The following TMEFF1 variants were observed in gnomAD, a reference collection of about 807,000 sequenced individuals.
TMEFF1 encodes transmembrane protein with EGF like and two follistatin like domains 1, also known as tomoregulin-1.
Under a neutral mutation model 47.5 loss-of-function variants are expected in TMEFF1, and 20 were observed. The observed-to-expected ratio is 0.42, with a 90% CI of 0.30 to 0.61. The LOEUF is 0.61. Ranked by LOEUF, TMEFF1 falls within the 20% of genes least tolerant of loss-of-function variation. The pLI, the probability that TMEFF1 is intolerant of heterozygous loss-of-function variation, is 0.19. For missense variants in TMEFF1, 411 were observed against 471.1 expected (o/e 0.87, Z 1.18); for synonymous variants, 162 against 166.3 (o/e 0.97, Z 0.20).
At position 100,561,399 on chromosome 9, in the gene TMEFF1, G is replaced by A; in HGVS notation, c.778G>A (p.Ala260Thr). ...GATCTGGTTTATGTTCTTTTAAGAT[G>A]CTAGTGATCAAAGAGAAGATGTTTA... ...GLQYRPDVKD[A>T]SDQREDVYIG... The change falls in exon 8 of 10, where the codon GCT becomes ACT. Residue 260 changes from alanine (A) to threonine (T), a missense_variant and splice_region_variant. Ala to Thr is a moderately conservative substitution (Grantham distance 58). Coordinates refer to ENST00000374879, the MANE Select transcript of TMEFF1 (RefSeq NM_003692.5). 1 of 1,612,090 alleles carries A rather than the reference G, an allele frequency of 6.2e-7. No homozygotes were observed.
At chr9:100,500,229 A>G (rs1587822827) in intron 2 of TMEFF1, among the ~76,000 whole-genome samples, 1 of 152,164 alleles carries the variant, frequency 6.6e-6, no homozygotes, top group African/African-American at 2.4e-5. Flanking sequence ...GTTTTTGACT[A>G]TTAAGTACTG....
intron 4 of TMEFF1, among the ~76,000 whole-genome samples, chr9:100,513,872 C>T (rs960831764): frequency 2.6e-5 from 4 of 152,118 alleles, no homozygotes; most frequent in African/African-American, 7.2e-5. Context: ...CAACAACTCT[C>T]GTGGAATTTA....
At chr9:100,548,180 C>G (rs1838771382) in intron 6 of TMEFF1, among the ~76,000 whole-genome samples, 1 of 151,884 alleles carries the variant, frequency 6.6e-6, no homozygotes, top group Non-Finnish European at 1.5e-5. Flanking sequence ...AATATCATCT[C>G]AAATTTGGAA....
intron 5 of TMEFF1, among the ~76,000 whole-genome samples, chr9:100,524,985 C>T (rs1356669072): frequency 6.6e-6 from 1 of 152,160 alleles, no homozygotes; most frequent in Non-Finnish European, 1.5e-5. Flanking sequence ...CTGGGCCAGG[C>T]TTACCTGGGC....
At chr9:100,494,542 G>T (rs1837617169) in intron 1 of TMEFF1, among the ~76,000 whole-genome samples, 1 of 152,106 alleles carries the variant, frequency 6.6e-6, no homozygotes, top group African/African-American at 2.4e-5. Flanking sequence ...CTTGCTCCTG[G>T]TCTTTCTGGT....
chr9:100,515,793 G>C (rs1046312454), intron 4 of TMEFF1, among the ~76,000 whole-genome samples: 8 of 147,034 alleles, frequency 5.4e-5, no homozygotes, highest in African/African-American at 7.6e-5. Flanking sequence ...CTGAGACTCC[G>C]TCTGAAAAAC....
intron 8 of TMEFF1, among the ~76,000 whole-genome samples, chr9:100,570,691 A>G (rs1192837060): frequency 6.6e-6 from 1 of 151,836 alleles, no homozygotes; most frequent in African/African-American, 2.4e-5. Context: ...CCCAATGTGA[A>G]ATGTACTGGG....
At chr9:100,478,160 G>A (rs914356598) in intron 1 of TMEFF1, among the ~76,000 whole-genome samples, 4 of 152,226 alleles carry the variant, frequency 2.6e-5, no homozygotes, top group Admixed American at 1.3e-4. Flanking sequence ...TTAGAAGCTG[G>A]TTTCCTTTTA....
In TMEFF1 at chr9:100,473,367, C is replaced by G. The variant is rs1273582432; in HGVS notation, c.-178C>G. ...CCGGACCCGCCGACTCCGTCCCGAG[C>G]GCCGCGGGCCCGGGCCTGGCGGACG... On this transcript the variant is annotated 5_prime_UTR_variant, in exon 1 of 10. Coordinates refer to ENST00000374879, the MANE Select transcript of TMEFF1 (RefSeq NM_003692.5). The surrounding 1 kb of genome is among the most constrained non-coding windows in gnomAD (Gnocchi z 5.4). 2.8e-6 allele frequency: 1 copy of G among 357,162 alleles called. No individual in the cohort carries two copies. The highest frequency in any genetic ancestry group is 5.3e-5 in the Admixed American group (1 of 18,944). 22.1% of individuals were successfully genotyped at this position (357,162 alleles called of 1,614,324 possible). A position where few individuals can be genotyped will look rare whatever the true frequency, so the allele number is the denominator to read the frequency against.
At chr9:100,542,525 G>T (rs1930237) in intron 5 of TMEFF1, among the ~76,000 whole-genome samples, 30,739 of 152,030 alleles carry the variant, frequency 0.2, 3,502 homozygotes, top group South Asian at 0.31. Context: ...ATTCTCAAAA[G>T]ATTTGTCTTA....
At chr9:100,498,348 T>C (rs773499500) in intron 1 of TMEFF1, among the ~76,000 whole-genome samples, 13 of 152,168 alleles carry the variant, frequency 8.5e-5, no homozygotes, top group Non-Finnish European at 4.4e-5. Flanking sequence ...ATTAAGATAA[T>C]TTTTATCTCA....
At chr9:100,516,345 G>A (rs1245229164) in intron 4 of TMEFF1, among the ~76,000 whole-genome samples, 1 of 152,036 alleles carries the variant, frequency 6.6e-6, no homozygotes, top group African/African-American at 2.4e-5. Context: ...TAAATGTATT[G>A]CTCCTGTCTC....
chr9:100,560,704 T>G (rs1054940217), intron 7 of TMEFF1, among the ~76,000 whole-genome samples: 5 of 152,208 alleles, frequency 3.3e-5, no homozygotes, highest in Non-Finnish European at 7.3e-5. Flanking sequence ...TCATTATACT[T>G]AAGTCTGAGC....
chr9:100,507,106 G>A (rs957659311), intron 2 of TMEFF1, among the ~76,000 whole-genome samples: 32 of 152,234 alleles, frequency 2.1e-4, no homozygotes, highest in African/African-American at 7.2e-4. Context: ...TAACACTAAT[G>A]AGAGCATGAG....
chr9:100,516,635 C>A, intron 4 of TMEFF1, 40 bp from the exon 5 acceptor site: 1 of 1,600,698 alleles, frequency 6.2e-7, no homozygotes, highest in South Asian at 1.1e-5. Flanking sequence ...GGAAAGGATC[C>A]CAACTTTTGG....
chr9:100,486,489 G>A (rs1007604656), intron 1 of TMEFF1, among the ~76,000 whole-genome samples: 6 of 152,136 alleles, frequency 3.9e-5, no homozygotes, highest in Non-Finnish European at 8.8e-5. Context: ...TAATTGGTCC[G>A]CCTCGGGCTC....
In TMEFF1 at chr9:100,516,687, CA is replaced by C; in HGVS notation, c.477del (p.Ala161GlnfsTer32). ...SGSGEGEEEG[S>X]GAEVHRKHSK... ...TCTTTTTAAACAGAAGAGGAAGGGT[CA>C]GGGGCAGAAGTTCACAGAAAACACT... On this transcript the variant is annotated frameshift_variant, in exon 5 of 10. Coordinates refer to ENST00000374879, the MANE Select transcript of TMEFF1 (RefSeq NM_003692.5). LOFTEE classifies it high-confidence loss of function. 6.2e-7 allele frequency: 1 copy of C among 1,613,084 alleles called. No homozygotes were observed. Among genetic ancestry groups the C allele is most frequent in the Non-Finnish European group, 8.5e-7 (1 of 1,179,644 alleles).
At chr9:100,484,474 A>G (rs1471505823) in intron 1 of TMEFF1, among the ~76,000 whole-genome samples, 2 of 151,994 alleles carry the variant, frequency 1.3e-5, no homozygotes, top group Non-Finnish European at 2.9e-5. Context: ...GCCCGCCACC[A>G]TGCCTGGCTA....
Position 100,473,892 on chromosome 9 carries a change from G to A in TMEFF1, c.196+152G>A. ...AGCGAGGGCGGAGGGCAGGGCGCGAGCGTGCGGTGTGGCTTTGGGACCGGC... is the reference window on the plus strand; with the variant it reads ...AGCGAGGGCGGAGGGCAGGGCGCGAACGTGCGGTGTGGCTTTGGGACCGGC... On this transcript the variant is annotated intron_variant, in intron 1 of 9. Coordinates refer to ENST00000374879, the MANE Select transcript of TMEFF1 (RefSeq NM_003692.5). The surrounding 1 kb of genome is among the most constrained non-coding windows in gnomAD (Gnocchi z 5.4). 9.8e-7 allele frequency: 1 copy of A among 1,019,208 alleles called. No homozygotes were observed. The allele number at this position is 1,019,208 out of a possible 1,614,324, so 63.1% of individuals were successfully genotyped here.
Sources: gnomAD v4.1 joint callset for allele counts (sites outside exome capture counted in the v4.1 genomes callset) on GRCh38, gnomAD v4.1.1 for gene constraint, Gnocchi (gnomAD v3.1) non-coding constraint, MANE v1.5 for transcripts, NCBI Gene and HGNC (gene_info 2026-07-23, HGNC 2026-07-21) for gene names.